The following HIVEP3 variants were observed in gnomAD, a reference collection of about 807,000 sequenced individuals.
HIVEP3 encodes transcription factor HIVEP3.
HIVEP3 carries 49 observed loss-of-function variants against 152.8 expected under a neutral mutation model. That is an observed-to-expected ratio of 0.32 (90% CI 0.26 to 0.41). HIVEP3 has a LOEUF of 0.41. Among genes scored for constraint, HIVEP3 ranks in the 10% least tolerant of loss-of-function variants. The pLI is 1.00. For synonymous variants in HIVEP3, 1,269 were observed against 1,289.0 expected, an observed-to-expected ratio of 0.98 and a Z score of 0.33; for missense variants, 2,790 against 3,103.3, an observed-to-expected ratio of 0.90 and a Z score of 2.40.
intron 1 of HIVEP3, among the ~76,000 whole-genome samples, chr1:41,756,027 T>C (rs1483792368): frequency 6.6e-6 from 1 of 152,250 alleles, no homozygotes; most frequent in African/African-American, 2.4e-5. Flanking sequence ...AATCTGTACT[T>C]GAATGCTCAC....
chr1:41,860,640 C>A (rs1171151807), intron 1 of HIVEP3, among the ~76,000 whole-genome samples: 1 of 152,164 alleles, frequency 6.6e-6, no homozygotes, highest in Non-Finnish European at 1.5e-5. Context: ...CCTCCTTTTG[C>A]AAAAATTTTG....
At chr1:41,614,643 A>C (rs1267410777) in intron 3 of HIVEP3, among the ~76,000 whole-genome samples, 2 of 152,216 alleles carry the variant, frequency 1.3e-5, no homozygotes, top group Non-Finnish European at 1.5e-5. Flanking sequence ...ACAAAAACAA[A>C]ATAGGAACAC....
intron 1 of HIVEP3, among the ~76,000 whole-genome samples, chr1:41,803,549 C>A (rs1650426030): frequency 6.6e-6 from 1 of 152,236 alleles, no homozygotes; most frequent in Non-Finnish European, 1.5e-5. Flanking sequence ...GGCCCCTCAC[C>A]TGGTGCCATG....
chr1:41,867,961 C>T (rs1644009465), intron 1 of HIVEP3, among the ~76,000 whole-genome samples: 1 of 147,932 alleles, frequency 6.8e-6, no homozygotes, highest in Non-Finnish European at 1.5e-5. Context: ...CAGAGGCTTT[C>T]CATCTCACTC....
At chr1:41,855,855 G>A (rs1199443964) in intron 1 of HIVEP3, among the ~76,000 whole-genome samples, 2 of 152,212 alleles carry the variant, frequency 1.3e-5, no homozygotes, top group Admixed American at 1.3e-4. Context: ...GACAATAGGA[G>A]TCACTGGAAG....
At chr1:41,784,281 A>C (rs1303156996) in intron 1 of HIVEP3, among the ~76,000 whole-genome samples, 1 of 152,274 alleles carries the variant, frequency 6.6e-6, no homozygotes, top group Non-Finnish European at 1.5e-5. Flanking sequence ...GTAGTATGAA[A>C]AAATAAAGAA....
At chr1:41,932,034 G>A (rs1253445984) in intron 1 of HIVEP3, among the ~76,000 whole-genome samples, 1 of 151,822 alleles carries the variant, frequency 6.6e-6, no homozygotes, top group Non-Finnish European at 1.5e-5. Context: ...ATCTTAAGGG[G>A]AAAGTGTTTA....
At chr1:41,837,598 T>C (rs903698801) in intron 1 of HIVEP3, among the ~76,000 whole-genome samples, 2 of 152,234 alleles carry the variant, frequency 1.3e-5, no homozygotes, top group Non-Finnish European at 2.9e-5. Context: ...AGTGCTGGGA[T>C]TATAAGCAAG....
chr1:41,738,569 G>A (rs1302951757), intron 1 of HIVEP3, among the ~76,000 whole-genome samples: 1 of 152,158 alleles, frequency 6.6e-6, no homozygotes, highest in East Asian at 1.9e-4. Context: ...AGATAGTAGA[G>A]TCTGAGGCAT....
rs1373478750 is a variant in HIVEP3, at chr1:41,981,310, T to C, written n.119+54497A>G. On this transcript the variant is annotated intron_variant and non_coding_transcript_variant, in intron 1 of 3. Coordinates refer to the HIVEP3 transcript ENST00000489103. ...GCCCTATAGGAACCTTGTCAGAAAA[T>C]AAAGGCAAGATTCCTGAAGGACTCT... Among the ~76,000 whole-genome samples, 3 of 152,024 alleles carry C rather than the reference T, an allele frequency of 2.0e-5. No homozygotes were observed. In the East Asian group the frequency reaches 5.8e-4, roughly 29 times the overall value.
At chr1:41,626,637 T>G (rs1279585585) in intron 3 of HIVEP3, among the ~76,000 whole-genome samples, 1 of 152,138 alleles carries the variant, frequency 6.6e-6, no homozygotes, top group Admixed American at 6.5e-5. Context: ...GTACACCTCA[T>G]GGAATGAACC....
intron 1 of HIVEP3, among the ~76,000 whole-genome samples, chr1:41,980,834 T>C (rs1188449505): frequency 6.6e-6 from 1 of 152,190 alleles, no homozygotes; most frequent in Non-Finnish European, 1.5e-5. Context: ...GCAAGCTGTT[T>C]TCTTCTTTGA....
At chr1:41,636,502 C>A (rs939354136) in intron 2 of HIVEP3, among the ~76,000 whole-genome samples, 25 of 152,110 alleles carry the variant, frequency 1.6e-4, no homozygotes, top group African/African-American at 6.0e-4. Context: ...AAACAAAAAA[C>A]CCCAGTTAAT....
At chr1:41,848,754 T>C (rs1312899200) in intron 1 of HIVEP3, 3 of 152,674 alleles carry the variant, frequency 2.0e-5, no homozygotes, top group Non-Finnish European at 4.4e-5. Context: ...GTCCCTGCTG[T>C]GCCCATCTGC....
At chr1:41,868,739 C>A (rs565153290) in intron 1 of HIVEP3, among the ~76,000 whole-genome samples, 32 of 152,180 alleles carry the variant, frequency 2.1e-4, no homozygotes, top group Non-Finnish European at 3.8e-4. Flanking sequence ...GGTTTCAAAT[C>A]CTGACACTGC....
At chr1:41,598,204 C>T (rs1017301858) in intron 3 of HIVEP3, among the ~76,000 whole-genome samples, 13 of 152,198 alleles carry the variant, frequency 8.5e-5, no homozygotes, top group African/African-American at 3.1e-4. Flanking sequence ...CTCATCAACA[C>T]CGCCTAAGAG....
intron 1 of HIVEP3, among the ~76,000 whole-genome samples, chr1:41,968,151 C>T (rs1645209846): frequency 1.3e-5 from 2 of 151,958 alleles, no homozygotes; most frequent in African/African-American, 4.8e-5. Flanking sequence ...TCTTCTGAAA[C>T]TATCCCAAAT....
At chr1:41,755,383 C>T (rs1209935098) in intron 1 of HIVEP3, among the ~76,000 whole-genome samples, 1 of 151,890 alleles carries the variant, frequency 6.6e-6, no homozygotes, top group African/African-American at 2.4e-5. Flanking sequence ...TTTTCAGGAC[C>T]TAGAGCCCAG....
chr1:41,619,067 C>G (rs377126895), intron 3 of HIVEP3, among the ~76,000 whole-genome samples: 1 of 152,142 alleles, frequency 6.6e-6, no homozygotes, highest in African/African-American at 2.4e-5. Context: ...GCCCACTCCT[C>G]TGCTCAGGCC....
Sources: allele counts gnomAD v4.1 joint callset (sites outside exome capture counted in the v4.1 genomes callset), GRCh38; gene constraint gnomAD v4.1.1; transcripts MANE v1.5; gene names NCBI Gene and HGNC (gene_info 2026-07-23, HGNC 2026-07-21).